Variants in CELSR2 observed in about 807,000 individuals in gnomAD.
CELSR2 encodes the protein EGF-like protein 2.
CELSR2 carries 81 observed loss-of-function variants against 251.6 expected under a neutral mutation model. The observed-to-expected ratio is 0.32, with a 90% confidence interval of 0.27 to 0.39. CELSR2 has a LOEUF of 0.39. Among genes scored for constraint, CELSR2 ranks in the 10% least tolerant of loss-of-function variants. CELSR2 has a pLI of 1.00. For synonymous variants in CELSR2, 1,721 were observed against 1,670.5 expected, an observed-to-expected ratio of 1.03 and a Z score of -0.74; for missense variants, 3,365 against 3,947.7, an observed-to-expected ratio of 0.85 and a Z score of 3.96.
At position 109,249,556 on chromosome 1, in the gene CELSR2, G is replaced by A. The variant is rs1201741630; in HGVS notation, c.-524G>A. Among the ~76,000 whole-genome samples, 2 of 150,328 alleles carry A rather than the reference G, an allele frequency of 1.3e-5. No individual in the cohort carries two copies. Among genetic ancestry groups the A allele is most frequent in the African/African-American group, 4.9e-5 (2 of 41,178 alleles). ...GCGACTCTGCAGAGCTCGCCCGCCC[G>A]CCGGGGAGGCGAGGGAGCGCGGGGC... On this transcript the variant is annotated 5_prime_UTR_variant, in exon 1 of 34. Coordinates refer to ENST00000271332, the MANE Select transcript of CELSR2 (RefSeq NM_001408.3).
At chr1:109,263,815 T>C in intron 9 of CELSR2, 38 bp downstream of exon 9, 1 of 1,602,560 alleles carries the variant, frequency 6.2e-7, no homozygotes, top group South Asian at 1.1e-5. Context: ...GGCCTGGCCA[T>C]AGGGCCCTGG....
In CELSR2 at chr1:109,261,139, G is replaced by A. The variant is rs1275605342; in HGVS notation, c.4056G>A (p.Lys1352=). The A allele has an allele frequency of 3.1e-6, 5 of 1,614,184 alleles. No individual in the cohort carries two copies. Among genetic ancestry groups the A allele is most frequent in the Non-Finnish European group, 3.4e-6 (4 of 1,180,026 alleles). The change falls in exon 3 of 34, where the codon AAG becomes AAA. Residue 1352 remains lysine (K), a synonymous_variant. Coordinates refer to ENST00000271332, the MANE Select transcript of CELSR2 (RefSeq NM_001408.3). This position sits in a 1 kb window ranked among gnomAD's most constrained non-coding sequence, Gnocchi z 4.8. ...TCAACCTGCTGGTGGGCGGTTTCAA[G>A]TGCGATTGCCCATCTGGAGACTTCG... ...TCVNLLVGGF[K]CDCPSGDFEK... is the part of the protein sequence containing the mutation.
intron 29 of CELSR2, 111 bp from the exon 30 acceptor site, chr1:109,272,529 T>C (rs773954904): frequency 1.9e-4 from 289 of 1,495,308 alleles, no homozygotes; most frequent in Non-Finnish European, 2.6e-4. Context: ...CAGCTTGGAT[T>C]AGAAGCTGTA....
At chr1:109,271,161 C>T (rs1323870219) in intron 25 of CELSR2, 56 bp from the exon 26 acceptor site, 24 of 1,574,288 alleles carry the variant, frequency 1.5e-5, no homozygotes, top group Non-Finnish European at 2.1e-5. Flanking sequence ...GCCCTGTGGG[C>T]TGGGTGGAAG....
rs895314347 is a variant in CELSR2 at position 109,274,249 on chromosome 1, C to A, written c.*200C>A. The A allele has an allele frequency of 8.7e-5, 116 of 1,336,410 alleles. No individual in the cohort carries two copies. Among genetic ancestry groups the A allele is most frequent in the Non-Finnish European group, 1.1e-4 (106 of 1,003,942 alleles). The allele number at this position is 1,336,410 out of a possible 1,614,324, so 82.8% of individuals were successfully genotyped here. ...GGCCATCTAGTGCCAACTCCCCCCC[C>A]ACCATTCCCCTCACTGCACTTTGGA... On this transcript the variant is annotated 3_prime_UTR_variant, in exon 34 of 34. Transcript: ENST00000271332.
chr1:109,253,312 C>T lies in CELSR2; in HGVS notation c.3233C>T (p.Ser1078Phe), dbSNP rs1012837664. Reference protein sequence around the residue: ...NELSLVLLNASTGELKLSRAL... With the variant: ...NELSLVLLNAFTGELKLSRAL... ...CTCAGCCTGGTCCTGCTCAATGCCT[C>T]CACGGGTGAGCTGAAGCTAAGCCGC... The change falls in exon 1 of 34, where the codon TCC (serine) becomes TTC (phenylalanine). Residue 1078 changes from serine to phenylalanine, a missense_variant. Ser to Phe is a radical substitution (Grantham distance 155). Around this residue, in one of 5 missense-constraint regions of CELSR2, gnomAD observed 505 missense variants for 660.0 expected, o/e 0.77. Coordinates refer to ENST00000271332, the MANE Select transcript of CELSR2 (RefSeq NM_001408.3). The T allele has an allele frequency of 6.2e-7, 1 of 1,613,452 alleles. No individual in the cohort carries two copies. The highest frequency in any genetic ancestry group is 8.5e-7 in the Non-Finnish European group (1 of 1,180,036).
rs1251472207 is a variant in CELSR2 at position 109,264,484 on chromosome 1, G to T, written c.5320G>T (p.Val1774Phe). ...GCGGGTGAGCGATACGCCGGAGGGG[G>T]TTAACAGCCTGGATCCCAGCCATGG... The part of the protein sequence containing the change: ...GVRVSDTPEG[V>F]NSLDPSHGES... The change falls in exon 11 of 34, where the codon GTT (valine) becomes TTT (phenylalanine). Residue 1774 changes from valine to phenylalanine, a missense_variant. By Grantham distance (50) the Val-to-Phe change is conservative (BLOSUM62 -1). Around this residue, in one of 5 missense-constraint regions of CELSR2, gnomAD observed 2,093 missense variants for 2,382.8 expected, o/e 0.88. Coordinates refer to ENST00000271332, the MANE Select transcript of CELSR2 (RefSeq NM_001408.3). The T allele has an allele frequency of 1.2e-6, 2 of 1,613,964 alleles. No homozygotes were observed. The highest frequency in any genetic ancestry group is 2.2e-5 in the South Asian group (2 of 91,092).
rs1361004340 is a variant in CELSR2 at position 109,258,516 on chromosome 1, G to T, written c.3395G>T (p.Arg1132Leu). Residue 1132 changes from arginine to leucine, a missense_variant, in exon 2 of 34, where the codon CGC (arginine) becomes CTC (leucine). This residue lies in a region of CELSR2 where 505 missense variants were observed against 660.0 expected (regional missense o/e 0.77). Transcript: ENST00000271332. ...DEMLTHSITLRLEDMSPERFL... is the reference protein window; with the variant it reads ...DEMLTHSITLLLEDMSPERFL... ...ATGCTCACCCACAGCATCACGCTGC[G>T]CCTGGAGGACATGTCACCCGAGCGC... 1.2e-6 allele frequency: 2 copies of T among 1,602,922 alleles called. No individual in the cohort carries two copies. Among genetic ancestry groups the T allele is most frequent in the Non-Finnish European group, 1.7e-6 (2 of 1,175,064 alleles).
Position 109,249,974 on chromosome 1 carries a change from G to A in CELSR2, c.-106G>A. ...CCCGCGGGGCGCACGGGAGGCCCCC[G>A]GGGACTGGCGCCCTGGCCCGGGCAT... is the stretch of plus-strand genomic sequence containing the variant. On this transcript the variant is annotated 5_prime_UTR_variant, in exon 1 of 34. Coordinates refer to ENST00000271332, the MANE Select transcript of CELSR2 (RefSeq NM_001408.3). 11 of 1,092,856 alleles carry A rather than the reference G, an allele frequency of 1.0e-5. No individual in the cohort carries two copies. Among genetic ancestry groups the A allele is most frequent in the Non-Finnish European group, 1.3e-5 (11 of 876,864 alleles). 67.7% of individuals were successfully genotyped at this position (1,092,856 alleles called of 1,614,324 possible).
Position 109,250,097 on chromosome 1 carries a change from C to G in CELSR2, c.18C>G (p.Thr6=), listed in dbSNP as rs774501777. 1 of 1,530,870 alleles carries G rather than the reference C, an allele frequency of 6.5e-7. No homozygotes were observed. Among genetic ancestry groups the G allele is most frequent in the South Asian group, 1.2e-5 (1 of 84,086 alleles). 94.8% of individuals were successfully genotyped at this position (1,530,870 alleles called of 1,614,324 possible). MRSPA[T]GVPLPTPPPP... ...TGGGAGAGATGCGGAGCCCGGCCAC[C>G]GGCGTCCCCCTCCCAACGCCGCCGC... is the stretch of plus-strand genomic sequence containing the variant. The change falls in exon 1 of 34, where the codon ACC becomes ACG. Residue 6 remains threonine (T), a synonymous_variant. Coordinates refer to ENST00000271332, the MANE Select transcript of CELSR2 (RefSeq NM_001408.3). The surrounding 1 kb of genome is among the most constrained non-coding windows in gnomAD (Gnocchi z 4.4).
chr1:109,273,323 C>T lies in CELSR2; in HGVS notation c.8496C>T (p.Ala2832=). The change falls in exon 32 of 34, where the codon GCC becomes GCT. Residue 2832 remains alanine (A), a synonymous_variant. Coordinates refer to ENST00000271332, the MANE Select transcript of CELSR2 (RefSeq NM_001408.3). ...TAGGCCCCCTTCCAGGCTCTTCTGC[C>T]CAGCCTCACAAAGGTGAGTGGGGCA... ...GSLGPLPGSS[A]QPHKGILKKK... 1 of 1,598,176 alleles carries T rather than the reference C, an allele frequency of 6.3e-7. No individual in the cohort carries two copies. Among genetic ancestry groups the T allele is most frequent in the African/African-American group, 1.3e-5 (1 of 74,602 alleles).
chr1:109,270,288 C>G (rs942155825), intron 23 of CELSR2, 138 bp from the exon 24 acceptor site: 1 of 1,259,216 alleles, frequency 7.9e-7, no homozygotes, highest in Non-Finnish European at 1.1e-6. Flanking sequence ...CCCCCGGGAT[C>G]CCCCAGCACC....
In CELSR2 at chr1:109,252,568, C is replaced by T. The variant is rs1156938404; in HGVS notation, c.2489C>T (p.Pro830Leu). ...GGCAGTGTCTATGAGGATGTGCCAC[C>T]CTTCACTAGCGTCCTGCAGATCTCA... Reference protein sequence around the residue: ...YQGSVYEDVPPFTSVLQISAT... With the variant: ...YQGSVYEDVPLFTSVLQISAT... Residue 830 changes from proline (P) to leucine (L), a missense_variant, in exon 1 of 34, where the codon CCC (proline) becomes CTC (leucine). By Grantham distance (98) the Pro-to-Leu change is moderately conservative. Transcript: ENST00000271332. This position sits in a 1 kb window ranked among gnomAD's most constrained non-coding sequence, Gnocchi z 4.8. 8 of 1,613,914 alleles carry T rather than the reference C, an allele frequency of 5.0e-6. No homozygotes were observed. Among genetic ancestry groups the T allele is most frequent in the Non-Finnish European group, 6.8e-6 (8 of 1,180,034 alleles).
rs1464663279 is a variant in CELSR2 at position 109,275,027 on chromosome 1, C to A, written c.*978C>A. Reference sequence around the variant, plus strand: ...CTGGTGTCCACTCACCCACCCCACCCCCCAAAATCAGACAAATGCTACTTT... The same window carrying A: ...CTGGTGTCCACTCACCCACCCCACCACCCAAAATCAGACAAATGCTACTTT... On this transcript the variant is annotated 3_prime_UTR_variant, in exon 34 of 34. Transcript: ENST00000271332. 6.6e-6 allele frequency: 1 copy of A among 152,574 alleles called. No homozygotes were observed. The highest frequency in any genetic ancestry group is 1.5e-5 in the Non-Finnish European group (1 of 68,044). The allele number at this position is 152,574 out of a possible 1,614,324, so 9.5% of individuals were successfully genotyped here. A position where few individuals can be genotyped will look rare whatever the true frequency, so the allele number is the denominator to read the frequency against.
chr1:109,270,634 C>A, intron 24 of CELSR2, 34 bp downstream of exon 24: 1 of 1,603,688 alleles, frequency 6.2e-7, no homozygotes, highest in Non-Finnish European at 8.5e-7. Flanking sequence ...TGGGGTCCCA[C>A]ATCCCTGGGT....
intron 30 of CELSR2, 23 bp from the exon 31 acceptor site, chr1:109,272,810 G>A (rs760552340): frequency 6.2e-7 from 1 of 1,613,164 alleles, no homozygotes; most frequent in Non-Finnish European, 8.5e-7. Context: ...TGGGCTGGCT[G>A]TGATCTCTCC....
rs1166222564 is a variant in CELSR2 at position 109,252,753 on chromosome 1, T to C, written c.2674T>C (p.Tyr892His). 2 of 1,613,912 alleles carry C rather than the reference T, an allele frequency of 1.2e-6. No homozygotes were observed. Among genetic ancestry groups the C allele is most frequent in the East Asian group, 2.2e-5 (1 of 44,892 alleles). Reference protein sequence around the residue: ...ENVAQYVLRAYAVDKGMPPAR... With the variant: ...ENVAQYVLRAHAVDKGMPPAR... ...CGTGGCCCAGTATGTCTTGCGGGCA[T>C]ATGCAGTGGACAAGGGGATGCCCCC... Residue 892 changes from tyrosine to histidine, a missense_variant, in exon 1 of 34, where the codon TAT becomes CAT. Physicochemically the swap from Tyr to His is moderately conservative, Grantham distance 83. Coordinates refer to ENST00000271332, the MANE Select transcript of CELSR2 (RefSeq NM_001408.3). The surrounding 1 kb of genome is among the most constrained non-coding windows in gnomAD (Gnocchi z 4.8).
intron 1 of CELSR2, among the ~76,000 whole-genome samples, chr1:109,258,136 G>A (rs1316916359): frequency 1.3e-5 from 2 of 152,150 alleles, no homozygotes; most frequent in East Asian, 3.9e-4. Flanking sequence ...GGGTTCCCGC[G>A]CAGGCAGCAC....
At position 109,261,048 on chromosome 1, in the gene CELSR2, A is replaced by G; in HGVS notation, c.3965A>G (p.His1322Arg). The G allele has an allele frequency of 6.2e-7, 1 of 1,610,814 alleles. No homozygotes were observed. Among genetic ancestry groups the G allele is most frequent in the Non-Finnish European group, 8.5e-7 (1 of 1,178,008 alleles). The change falls in exon 3 of 34, where the codon CAC becomes CGC. Residue 1322 changes from histidine to arginine, a missense_variant. Transcript: ENST00000271332. The surrounding 1 kb of genome is among the most constrained non-coding windows in gnomAD (Gnocchi z 4.8). ...TGCCTTTCCTCTTGTCCAGGTGAGC[A>G]CTGTGAGGTGAGTGCTCGCTCAGGC... The part of the protein sequence containing the change: ...CLCRDGYTGE[H>R]CEVSARSGRC...
Sources: gnomAD v4.1 joint callset for allele counts (sites outside exome capture counted in the v4.1 genomes callset) on GRCh38, gnomAD v4.1.1 for gene constraint, gnomAD v4.1.1 regional missense constraint, Gnocchi (gnomAD v3.1) non-coding constraint, MANE v1.5 for transcripts, NCBI Gene and HGNC (gene_info 2026-07-23, HGNC 2026-07-21) for gene names.